Variants in RAP1GDS1 observed in about 807,000 individuals in gnomAD.
The protein encoded by RAP1GDS1 is Rap1 GTPase-GDP dissociation stimulator 1.
A neutral mutation model predicts 71.1 loss-of-function variants in RAP1GDS1; 35 were observed. The observed-to-expected ratio is 0.49, with a 90% CI of 0.38 to 0.65. The LOEUF is 0.65. Among genes scored for constraint, RAP1GDS1 ranks in the 30% least tolerant of loss-of-function variants. RAP1GDS1 has a pLI of 0.00. For missense variants in RAP1GDS1, 663 were observed against 706.1 expected (o/e 0.94, Z 0.69); for synonymous variants, 229 against 243.1 (o/e 0.94, Z 0.54).
At chr4:98,399,168 T>A (rs1489482939) in intron 6 of RAP1GDS1, among the ~76,000 whole-genome samples, 3 of 152,044 alleles carry the variant, frequency 2.0e-5, no homozygotes, top group Non-Finnish European at 4.4e-5. Flanking sequence ...GTCTAAGAAA[T>A]GTTTATGTAT....
intron 7 of RAP1GDS1, among the ~76,000 whole-genome samples, chr4:98,406,004 ACT>A (rs1578763371): frequency 6.6e-6 from 1 of 152,120 alleles, no homozygotes; most frequent in African/African-American, 2.4e-5. Flanking sequence ...TATCTGGAAG[ACT>A]CTGGTTATTT....
At chr4:98,299,358 C>T (rs1257531458) in intron 2 of RAP1GDS1, among the ~76,000 whole-genome samples, 1 of 152,136 alleles carries the variant, frequency 6.6e-6, no homozygotes, top group East Asian at 1.9e-4. Flanking sequence ...AACAGTGCTG[C>T]AATAAACATA....
chr4:98,365,516 G>A (rs1739358777), intron 4 of RAP1GDS1, among the ~76,000 whole-genome samples: 1 of 151,598 alleles, frequency 6.6e-6, no homozygotes. Flanking sequence ...CCTGCTACTT[G>A]GGAGGCTGAT....
At chr4:98,321,642 A>G (rs1371623821) in intron 2 of RAP1GDS1, among the ~76,000 whole-genome samples, 1 of 149,498 alleles carries the variant, frequency 6.7e-6, no homozygotes. Context: ...AGAATTTTCA[A>G]CCCAGAATTT....
At chr4:98,325,738 C>T (rs1044749318) in intron 2 of RAP1GDS1, among the ~76,000 whole-genome samples, 3 of 130,678 alleles carry the variant, frequency 2.3e-5, no homozygotes, top group African/African-American at 5.9e-5. Context: ...CACATGGACA[C>T]AGGAAGGGGA....
In RAP1GDS1 at chr4:98,413,310, G is replaced by A. The variant is rs1447663630; in HGVS notation, c.764-3435G>A. On this transcript the variant is annotated intron_variant, in intron 7 of 14. Transcript: ENST00000408927. ...ATGTATACATGTGCCATGCTGGTGC[G>A]CTGCACCCACTAACTCGTCATCTAG... 6.6e-5 allele frequency among the ~76,000 whole-genome samples: 10 copies of A among 151,728 alleles called. No homozygotes were observed. In the East Asian group the frequency reaches 7.8e-4, roughly 12 times the overall value.
intron 2 of RAP1GDS1, among the ~76,000 whole-genome samples, chr4:98,319,448 A>G (rs1444048984): frequency 1.3e-5 from 2 of 151,684 alleles, no homozygotes; most frequent in Non-Finnish European, 3.0e-5. Flanking sequence ...TTTCAGTCTC[A>G]TGTGTATTTT....
chr4:98,367,434 C>T (rs1739662559), intron 4 of RAP1GDS1, among the ~76,000 whole-genome samples: 1 of 152,192 alleles, frequency 6.6e-6, no homozygotes, highest in Non-Finnish European at 1.5e-5. Flanking sequence ...GGTTGGACCC[C>T]CGCACAGAGT....
At chr4:98,439,051 T>A (rs1751554165) in intron 14 of RAP1GDS1, among the ~76,000 whole-genome samples, 1 of 152,242 alleles carries the variant, frequency 6.6e-6, no homozygotes, top group Admixed American at 6.5e-5. Flanking sequence ...ATTTTTAGAT[T>A]TCTTATTTTT....
chr4:98,401,137 G>T (rs1745349317), intron 6 of RAP1GDS1, among the ~76,000 whole-genome samples: 1 of 152,156 alleles, frequency 6.6e-6, no homozygotes, highest in Non-Finnish European at 1.5e-5. Context: ...AACCAATCCA[G>T]GTTGGGTTAG....
At chr4:98,400,544 A>C (rs1278876104) in intron 6 of RAP1GDS1, among the ~76,000 whole-genome samples, 2 of 151,796 alleles carry the variant, frequency 1.3e-5, no homozygotes, top group East Asian at 1.9e-4. Context: ...AAAAAAAAAA[A>C]AAACGGATAC....
chr4:98,359,953 T>C (rs1001180403), intron 4 of RAP1GDS1, among the ~76,000 whole-genome samples: 6 of 152,210 alleles, frequency 3.9e-5, no homozygotes, highest in Non-Finnish European at 7.3e-5. Flanking sequence ...TGCGTAGCAC[T>C]GCACCAGGTT....
chr4:98,267,954 A>G (rs1722927354), intron 1 of RAP1GDS1, among the ~76,000 whole-genome samples: 1 of 152,190 alleles, frequency 6.6e-6, no homozygotes, highest in East Asian at 1.9e-4. Flanking sequence ...ACTAATTTAT[A>G]TTTCCACTAA....
intron 12 of RAP1GDS1, among the ~76,000 whole-genome samples, chr4:98,426,879 A>G (rs1222760890): frequency 1.3e-5 from 2 of 152,144 alleles, no homozygotes; most frequent in Non-Finnish European, 2.9e-5. Flanking sequence ...TGAAGCCAAT[A>G]TCACCCTAAT....
chr4:98,391,981 G>A lies in RAP1GDS1; in HGVS notation c.538G>A (p.Gly180Ser), dbSNP rs1476429218. The A allele has an allele frequency of 6.2e-7, 1 of 1,607,706 alleles. No homozygotes were observed. The highest frequency in any genetic ancestry group is 8.5e-7 in the Non-Finnish European group (1 of 1,176,508). ...DSLQAQLINM[G>S]VIPTLVKLLG... ...GCTTCAAGCTCAGCTTATCAATATG[G>A]GTGTTATTCCTACCTTAGTGAAATT... Residue 180 changes from glycine (G) to serine (S), a missense_variant, in exon 6 of 15, where the codon GGT becomes AGT. Gly to Ser is a moderately conservative substitution (Grantham distance 56). Transcript: ENST00000408927.
At chr4:98,290,070 T>C (rs1726706962) in intron 1 of RAP1GDS1, among the ~76,000 whole-genome samples, 1 of 152,090 alleles carries the variant, frequency 6.6e-6, no homozygotes, top group South Asian at 2.1e-4. Context: ...TGTGTACTTG[T>C]CTCCTGTCGG....
intron 2 of RAP1GDS1, among the ~76,000 whole-genome samples, chr4:98,337,528 C>T (rs1734878983): frequency 6.6e-6 from 1 of 152,104 alleles, no homozygotes; most frequent in Non-Finnish European, 1.5e-5. Context: ...AAGAACATGA[C>T]CTATCATCCC....
intron 2 of RAP1GDS1, among the ~76,000 whole-genome samples, chr4:98,342,675 TTCATTC>T (rs1735662334): frequency 6.6e-6 from 1 of 152,184 alleles, no homozygotes; most frequent in African/African-American, 2.4e-5. Flanking sequence ...ACTATCACTT[TTCATTC>T]CGTATAAAAT....
chr4:98,380,827 T>C (rs946012704), intron 5 of RAP1GDS1, among the ~76,000 whole-genome samples: 6 of 151,808 alleles, frequency 4.0e-5, no homozygotes, highest in Admixed American at 3.3e-4. Flanking sequence ...TAAGAAGTTA[T>C]TCCAGTTTTG....
Sources: allele counts gnomAD v4.1 joint callset (sites outside exome capture counted in the v4.1 genomes callset), GRCh38; gene constraint gnomAD v4.1.1; transcripts MANE v1.5; gene names NCBI Gene and HGNC (gene_info 2026-07-23, HGNC 2026-07-21).